Variants in PRKAG2 observed in about 807,000 individuals in gnomAD.
PRKAG2 encodes the protein protein kinase AMP-activated non-catalytic subunit gamma 2, also known as 5'-AMP-activated protein kinase subunit gamma-2.
PRKAG2 carries 26 observed loss-of-function variants against 69.6 expected under a neutral mutation model. That is an observed-to-expected ratio of 0.37 (90% CI 0.27 to 0.52). The LOEUF (loss-of-function observed/expected upper bound fraction) is 0.52. PRKAG2 is among the 20% of genes least tolerant of loss of function. The pLI is 0.90. For synonymous variants in PRKAG2, 293 were observed against 285.0 expected, an observed-to-expected ratio of 1.03 and a Z score of -0.28; for missense variants, 557 against 740.0, an observed-to-expected ratio of 0.75 and a Z score of 2.87.
chr7:151,665,833 T>C (rs112432033), intron 4 of PRKAG2, among the ~76,000 whole-genome samples: 6 of 152,338 alleles, frequency 3.9e-5, no homozygotes, highest in Admixed American at 2.6e-4. Context: ...TGTTCCTTAA[T>C]GTCAAGCGAT....
At chr7:151,795,875 ATATATATATATATAT>A (rs1277031480) in intron 1 of PRKAG2, among the ~76,000 whole-genome samples, 3 of 115,396 alleles carry the variant, frequency 2.6e-5, no homozygotes, top group African/African-American at 7.1e-5. Context: ...ATATATATAT[ATATATATATATATAT>A]CACGATAATA....
rs1157767006 is a variant in PRKAG2 at position 151,719,311 on chromosome 7, G to A, written c.467-43674C>T. Among the ~76,000 whole-genome samples, 1 of 152,072 alleles carries A rather than the reference G, an allele frequency of 6.6e-6. No individual in the cohort carries two copies. On this transcript the variant is annotated intron_variant, in intron 3 of 15. Transcript: ENST00000287878. This position sits in a 1 kb window ranked among gnomAD's most constrained non-coding sequence, Gnocchi z 5.2. ...ATCATACAAGTTCTTGGGCAAGTGG[G>A]ACTTTATGAAGGAGGTAGTCACAGA... is the stretch of plus-strand genomic sequence containing the variant.
chr7:151,608,870 CAT>C (rs932644572), intron 5 of PRKAG2, among the ~76,000 whole-genome samples: 4 of 151,028 alleles, frequency 2.6e-5, no homozygotes, highest in East Asian at 1.9e-4. Flanking sequence ...GAAAGTGCCT[CAT>C]GTGATTTTTT....
chr7:151,729,290 A>G (rs1798532033), intron 3 of PRKAG2, among the ~76,000 whole-genome samples: 1 of 152,022 alleles, frequency 6.6e-6, no homozygotes. Context: ...AAACCCCCCA[A>G]AGACCCATCC....
intron 3 of PRKAG2, among the ~76,000 whole-genome samples, chr7:151,778,347 G>A (rs765488317): frequency 2.0e-5 from 3 of 152,350 alleles, no homozygotes; most frequent in Middle Eastern, 3.4e-3. Flanking sequence ...CAGTGGGCAT[G>A]AGGCTCCCAC....
chr7:151,564,327 C>T, intron 13 of PRKAG2, 103 bp from the exon 14 acceptor site: 2 of 1,298,918 alleles, frequency 1.5e-6, no homozygotes, highest in Non-Finnish European at 1.1e-6. Flanking sequence ...AACTTTAATG[C>T]TTATCTGAAT....
At chr7:151,611,579 T>C (rs1475385037) in intron 5 of PRKAG2, among the ~76,000 whole-genome samples, 4 of 152,174 alleles carry the variant, frequency 2.6e-5, no homozygotes, top group African/African-American at 9.7e-5. Flanking sequence ...AGGAATGATC[T>C]GATCCATGAG....
chr7:151,589,011 G>A (rs543559257), intron 6 of PRKAG2, among the ~76,000 whole-genome samples: 34 of 152,238 alleles, frequency 2.2e-4, no homozygotes, highest in African/African-American at 8.2e-4. Flanking sequence ...TGGTGATGCT[G>A]GGACTTTGCA....
chr7:151,751,107 T>TA (rs1206147513), intron 3 of PRKAG2, among the ~76,000 whole-genome samples: 1 of 150,250 alleles, frequency 6.7e-6, no homozygotes, highest in African/African-American at 2.5e-5. Flanking sequence ...CCTTTTTTTT[T>TA]TTTTTTTTGA....
At chr7:151,744,809 C>A (rs1276065713) in intron 3 of PRKAG2, among the ~76,000 whole-genome samples, 1 of 152,160 alleles carries the variant, frequency 6.6e-6, no homozygotes, top group Admixed American at 6.5e-5. Context: ...ACCGAGAGAT[C>A]CACCAGCAGA....
Position 151,781,181 on chromosome 7 carries a change from C to T in PRKAG2, c.437G>A (p.Gly146Asp). Residue 146 changes from glycine to aspartate, a missense_variant, in exon 3 of 16, where the codon GGC (glycine) becomes GAC (aspartate). This residue lies in a region of PRKAG2 where 352 missense variants were observed against 356.7 expected (regional missense o/e 0.99). Coordinates refer to ENST00000287878, the MANE Select transcript of PRKAG2 (RefSeq NM_016203.4). The surrounding 1 kb of genome is among the most constrained non-coding windows in gnomAD (Gnocchi z 6.1). ...PNSNPATSPG[G>D]IRFFSRSRKT... is the part of the protein sequence containing the mutation. ...TCTGGAGCGGGAGAAAAACCTGATG[C>T]CCCCGGGCGAGGTAGCAGGGTTGGA... The T allele has an allele frequency of 1.2e-6, 2 of 1,613,908 alleles. No homozygotes were observed. Among genetic ancestry groups the T allele is most frequent in the Non-Finnish European group, 1.7e-6 (2 of 1,179,998 alleles).
intron 5 of PRKAG2, among the ~76,000 whole-genome samples, chr7:151,622,133 G>A (rs1001093082): frequency 5.3e-5 from 8 of 152,278 alleles, no homozygotes; most frequent in East Asian, 1.9e-4. Context: ...TCAGCAAACC[G>A]CTGAGTCACA....
At chr7:151,620,580 C>T (rs1424697638) in intron 5 of PRKAG2, among the ~76,000 whole-genome samples, 1 of 152,024 alleles carries the variant, frequency 6.6e-6, no homozygotes, top group Non-Finnish European at 1.5e-5. Context: ...CAGGCTCAAG[C>T]AATCCTCCTG....
chr7:151,855,808 A>G (rs2151901815), intron 1 of PRKAG2, among the ~76,000 whole-genome samples: 1 of 152,376 alleles, frequency 6.6e-6, no homozygotes, highest in East Asian at 1.9e-4. Context: ...CACCTGCTCC[A>G]GACCATATGG....
intron 3 of PRKAG2, among the ~76,000 whole-genome samples, chr7:151,691,150 A>G (rs1472588778): frequency 1.3e-5 from 2 of 152,192 alleles, no homozygotes; most frequent in Admixed American, 6.5e-5. Flanking sequence ...TCCCCGATAT[A>G]AAATGGTGTA....
At chr7:151,636,406 T>C (rs377486299) in intron 4 of PRKAG2, among the ~76,000 whole-genome samples, 10 of 152,306 alleles carry the variant, frequency 6.6e-5, no homozygotes, top group Admixed American at 2.6e-4. Context: ...AATGGGATCA[T>C]ACAATAGGTG....
At chr7:151,585,799 T>C (rs1399350300) in intron 6 of PRKAG2, among the ~76,000 whole-genome samples, 1 of 152,146 alleles carries the variant, frequency 6.6e-6, no homozygotes, top group Non-Finnish European at 1.5e-5. Context: ...GTTTCTCAGC[T>C]GGGGCTCCCC....
intron 3 of PRKAG2, among the ~76,000 whole-genome samples, chr7:151,690,180 G>A (rs1174468445): frequency 6.6e-6 from 1 of 152,206 alleles, no homozygotes; most frequent in Admixed American, 6.5e-5. Flanking sequence ...ATTGCTGCTA[G>A]TGTTTTTAAT....
At chr7:151,590,690 C>T (rs538415737) in intron 6 of PRKAG2, among the ~76,000 whole-genome samples, 3 of 152,354 alleles carry the variant, frequency 2.0e-5, no homozygotes, top group East Asian at 3.9e-4. Flanking sequence ...TTTCCGCATG[C>T]TGCAGGGGAG....
Sources: gnomAD v4.1 joint callset for allele counts (sites outside exome capture counted in the v4.1 genomes callset) on GRCh38, gnomAD v4.1.1 for gene constraint, gnomAD v4.1.1 regional missense constraint, Gnocchi (gnomAD v3.1) non-coding constraint, MANE v1.5 for transcripts, NCBI Gene and HGNC (gene_info 2026-07-23, HGNC 2026-07-21) for gene names.